FAM13A: variants seen among roughly 807,000 people sequenced by gnomAD.
FAM13A encodes the protein protein FAM13A.
FAM13A carries 76 observed loss-of-function variants against 129.6 expected under a neutral mutation model. The observed-to-expected ratio is 0.59, with a 90% CI of 0.49 to 0.71. FAM13A has a LOEUF of 0.71. FAM13A is among the 30% of genes least tolerant of loss of function. FAM13A has a pLI of 0.00. For missense variants in FAM13A, 1,108 were observed against 1,249.3 expected (o/e 0.89, Z 1.70); for synonymous variants, 443 against 449.9 (o/e 0.98, Z 0.20).
chr4:88,952,011 T>C (rs1371393421), intron 4 of FAM13A, among the ~76,000 whole-genome samples: 1 of 152,218 alleles, frequency 6.6e-6, no homozygotes, highest in Non-Finnish European at 1.5e-5. Flanking sequence ...TACTTTCCTC[T>C]TTGTACATAT....
chr4:88,925,628 G>A (rs941224904), intron 5 of FAM13A, among the ~76,000 whole-genome samples: 1 of 151,574 alleles, frequency 6.6e-6, no homozygotes, highest in Non-Finnish European at 1.5e-5. Flanking sequence ...CACCAGCATG[G>A]CACATGTATA....
At chr4:88,922,292 T>A (rs982325077) in intron 5 of FAM13A, among the ~76,000 whole-genome samples, 5 of 151,582 alleles carry the variant, frequency 3.3e-5, no homozygotes, top group African/African-American at 2.4e-5. Flanking sequence ...ATTGACCACA[T>A]AATTGGAAGT....
intron 2 of FAM13A, among the ~76,000 whole-genome samples, chr4:89,027,941 A>G (rs1768181722): frequency 6.6e-6 from 1 of 152,054 alleles, no homozygotes; most frequent in South Asian, 2.1e-4. Flanking sequence ...GCAGTGGCTT[A>G]GGCCTGGAAT....
chr4:88,809,123 C>T lies in FAM13A; in HGVS notation c.1008-4071G>A, dbSNP rs545314925. The stretch of plus-strand genomic sequence containing the variant: ...GAAGCCACAGAATGCAGTGCAATGC[C>T]TATCAGTTTAATTATACAGCAAGCT... On this transcript the variant is annotated intron_variant, in intron 7 of 23. Coordinates refer to ENST00000264344, the MANE Select transcript of FAM13A (RefSeq NM_014883.4). Among the ~76,000 whole-genome samples, 3 of 152,166 alleles carry T rather than the reference C, an allele frequency of 2.0e-5. No homozygotes were observed. The South Asian group carries it at 6.2e-4, about 32-fold the overall frequency.
At chr4:88,824,918 G>A (rs1238925969) in intron 7 of FAM13A, among the ~76,000 whole-genome samples, 1 of 152,068 alleles carries the variant, frequency 6.6e-6, no homozygotes, top group African/African-American at 2.4e-5. Flanking sequence ...ATATTGGCCA[G>A]GCTGGTCTCG....
At position 88,747,872 on chromosome 4, in the gene FAM13A, G is replaced by T. The variant is rs73841689; in HGVS notation, c.2162-21C>A. On this transcript the variant is annotated intron_variant, in intron 17 of 23. Transcript: ENST00000264344. ...TGATTCTAGTTGAGAAGATTTGGGG[G>T]TAAAGATATATGAGATTTATTTATT... The T allele has an allele frequency of 1.3e-4, 199 of 1,499,948 alleles. 1 individual carries two copies. In the African/African-American group the frequency reaches 2.5e-3, roughly 19 times the overall value. The allele number at this position is 1,499,948 out of a possible 1,614,324, so 92.9% of individuals were successfully genotyped here. A position where few individuals can be genotyped will look rare whatever the true frequency, so the allele number is the denominator to read the frequency against.
chr4:88,896,519 T>C lies in FAM13A; in HGVS notation c.843+9860A>G, dbSNP rs192677282. Among the ~76,000 whole-genome samples the C allele has an allele frequency of 2.1e-3, 319 of 152,362 alleles. 2 individuals are homozygous for C. The highest frequency in any genetic ancestry group is 3.6e-3 in the Non-Finnish European group (247 of 68,038). On this transcript the variant is annotated intron_variant, in intron 6 of 23. Coordinates refer to ENST00000264344, the MANE Select transcript of FAM13A (RefSeq NM_014883.4). ...TAACTTTTCTCAAAACCTTCCATTA[T>C]TTTAAGTATCTGGTTTACTTTGCAC... is the stretch of plus-strand genomic sequence containing the variant.
At chr4:89,037,091 A>G (rs1267527901) in intron 1 of FAM13A, among the ~76,000 whole-genome samples, 1 of 152,174 alleles carries the variant, frequency 6.6e-6, no homozygotes, top group African/African-American at 2.4e-5. Context: ...TGCCTAGTGG[A>G]GCTGAGAGAA....
At chr4:88,799,946 T>A (rs1256930357) in intron 8 of FAM13A, among the ~76,000 whole-genome samples, 1 of 152,202 alleles carries the variant, frequency 6.6e-6, no homozygotes, top group Non-Finnish European at 1.5e-5. Flanking sequence ...ATGTAGTATA[T>A]ACATAGATGG....
At chr4:88,945,562 T>C (rs4416442) in intron 4 of FAM13A, among the ~76,000 whole-genome samples, 67,580 of 151,328 alleles carry the variant, frequency 0.45, 15,347 homozygotes, top group African/African-American at 0.54. Flanking sequence ...CTTGACAAGG[T>C]TGGATCTCTC....
intron 6 of FAM13A, among the ~76,000 whole-genome samples, chr4:88,862,773 G>GT (rs777161102): frequency 1.3e-5 from 2 of 151,918 alleles, no homozygotes. Flanking sequence ...TTATGAACCA[G>GT]TTTTTTACGT....
chr4:88,809,878 T>C (rs1381953071), intron 7 of FAM13A, among the ~76,000 whole-genome samples: 1 of 151,822 alleles, frequency 6.6e-6, no homozygotes, highest in African/African-American at 2.4e-5. Flanking sequence ...CTTTTTTTTT[T>C]TTTCCTGGAA....
intron 4 of FAM13A, among the ~76,000 whole-genome samples, chr4:88,985,910 C>T (rs1762180496): frequency 6.8e-6 from 1 of 148,054 alleles, no homozygotes; most frequent in Non-Finnish European, 1.5e-5. Context: ...AAGTGAAGAA[C>T]AGTGTAAGGA....
At chr4:88,899,356 G>T (rs1277402050) in intron 6 of FAM13A, among the ~76,000 whole-genome samples, 3 of 151,900 alleles carry the variant, frequency 2.0e-5, no homozygotes, top group African/African-American at 7.3e-5. Context: ...GGAGTTGAGG[G>T]ATAAAAAGCT....
chr4:88,788,057 C>G, intron 9 of FAM13A, 125 bp from the exon 10 acceptor site: 2 of 660,890 alleles, frequency 3.0e-6, no homozygotes, highest in Non-Finnish European at 4.9e-6. Context: ...ACTTCATAAG[C>G]AAAGAGAGAT....
At chr4:88,827,627 C>A (rs1336390128) in intron 7 of FAM13A, among the ~76,000 whole-genome samples, 1 of 152,154 alleles carries the variant, frequency 6.6e-6, no homozygotes, top group Non-Finnish European at 1.5e-5. Context: ...CTTTGTGAAT[C>A]AGATTTAAAC....
chr4:88,918,996 T>C (rs1750565600), intron 5 of FAM13A, among the ~76,000 whole-genome samples: 1 of 152,230 alleles, frequency 6.6e-6, no homozygotes, highest in Admixed American at 6.5e-5. Context: ...GCAAAGTGAA[T>C]GAGAAATACA....
At chr4:89,013,255 T>C (rs1765961611) in intron 3 of FAM13A, among the ~76,000 whole-genome samples, 1 of 150,332 alleles carries the variant, frequency 6.7e-6, no homozygotes, top group East Asian at 1.9e-4. Flanking sequence ...GTTTATTTTA[T>C]AGAGACAATA....
intron 19 of FAM13A, among the ~76,000 whole-genome samples, 178 bp downstream of exon 19, chr4:88,746,754 C>G (rs547670287): frequency 3.3e-5 from 5 of 152,254 alleles, no homozygotes; most frequent in South Asian, 2.1e-4. Flanking sequence ...ATAGAACTTT[C>G]TTATTGGTTA....
Sources: allele counts gnomAD v4.1 joint callset (sites outside exome capture counted in the v4.1 genomes callset), GRCh38; gene constraint gnomAD v4.1.1; transcripts MANE v1.5; gene names NCBI Gene and HGNC (gene_info 2026-07-23, HGNC 2026-07-21).